The following CEP104 variants were observed in gnomAD, a reference collection of about 807,000 sequenced individuals.
CEP104 encodes the protein centrosomal protein 104, also known as centrosomal protein of 104 kDa.
CEP104 carries 84 observed loss-of-function variants against 113.3 expected under a neutral mutation model. That is an observed-to-expected ratio of 0.74 (90% CI 0.62 to 0.89). The LOEUF is 0.89. Among genes scored for constraint, CEP104 ranks in the 40% least tolerant of loss-of-function variants. The pLI is 0.00. For synonymous variants in CEP104, 378 were observed against 421.7 expected, an observed-to-expected ratio of 0.90 and a Z score of 1.27; for missense variants, 1,053 against 1,156.6, an observed-to-expected ratio of 0.91 and a Z score of 1.30.
chr1:3,843,350 G>A, intron 6 of CEP104: 2 of 522,084 alleles, frequency 3.8e-6, no homozygotes, highest in South Asian at 2.5e-5. Flanking sequence ...AGAGGAAGCG[G>A]CAACAGCAGC....
chr1:3,824,444 A>T (rs1160413981), intron 18 of CEP104, among the ~76,000 whole-genome samples: 1 of 152,216 alleles, frequency 6.6e-6, no homozygotes, highest in Non-Finnish European at 1.5e-5. Context: ...AAGACTTGTT[A>T]CACAGGACAC....
intron 1 of CEP104, among the ~76,000 whole-genome samples, chr1:3,856,220 C>A (rs1273637940): frequency 3.9e-5 from 6 of 152,116 alleles, no homozygotes; most frequent in Non-Finnish European, 8.8e-5. Flanking sequence ...ACCAGCCTGG[C>A]CAACATGGTG....
Position 3,816,350 on chromosome 1 carries a change from C to T in CEP104, c.2592G>A (p.Met864Ile), listed in dbSNP as rs1295086741. 2 of 1,552,598 alleles carry T rather than the reference C, an allele frequency of 1.3e-6. No homozygotes were observed. Among genetic ancestry groups the T allele is most frequent in the Non-Finnish European group, 1.7e-6 (2 of 1,147,656 alleles). Residue 864 changes from methionine (M) to isoleucine (I), a missense_variant, in exon 21 of 22, where the codon ATG (methionine) becomes ATA (isoleucine). By Grantham distance (10) the Met-to-Ile change is conservative (BLOSUM62 1). Coordinates refer to ENST00000378230, the MANE Select transcript of CEP104 (RefSeq NM_014704.4). ...GGTTCATCGTGCAGCCGGCTGGGCC[C>T]ATCAGGTGAGCTTTCCATGCCTGCA... ...PGEEAWKAHL[M>I]GPAGCTMNLR... is the part of the protein sequence containing the mutation.
chr1:3,818,980 G>A (rs1643921470), intron 20 of CEP104, among the ~76,000 whole-genome samples: 1 of 152,090 alleles, frequency 6.6e-6, no homozygotes, highest in Admixed American at 6.6e-5. Context: ...ATTCATAATT[G>A]GGCCTTTCAC....
chr1:3,823,429 C>T lies in CEP104; in HGVS notation c.2498G>A (p.Cys833Tyr), dbSNP rs755249443. The change falls in exon 19 of 22, where the codon TGC (cysteine) becomes TAC (tyrosine). Residue 833 changes from cysteine (C) to tyrosine (Y), a missense_variant. By Grantham distance (194) the Cys-to-Tyr change is radical (BLOSUM62 -2). Coordinates refer to ENST00000378230, the MANE Select transcript of CEP104 (RefSeq NM_014704.4). The surrounding 1 kb of genome is among the most constrained non-coding windows in gnomAD (Gnocchi z 4.1). ...ELPRHIKHKD[C>Y]NPAKPEKLAN... ...GCCTGGGAAGGGGCACTCACGGTTG[C>T]AATCCTTGTGTTTTATGTGTCTGGG... 1.9e-6 allele frequency: 3 copies of T among 1,614,226 alleles called. No homozygotes were observed. Among genetic ancestry groups the T allele is most frequent in the South Asian group, 1.1e-5 (1 of 91,084 alleles).
At chr1:3,852,494 T>C (rs1557696192) in intron 1 of CEP104, 73 bp from the exon 2 acceptor site, 2 of 1,390,584 alleles carry the variant, frequency 1.4e-6, no homozygotes, top group Non-Finnish European at 1.9e-6. Flanking sequence ...AAAGGGTTGG[T>C]TCATGCCTTG....
At chr1:3,815,665 G>A in intron 21 of CEP104, 148 bp from the exon 22 acceptor site, 1 of 577,344 alleles carries the variant, frequency 1.7e-6, no homozygotes, top group Non-Finnish European at 3.0e-6. Flanking sequence ...GCTGAGCCTA[G>A]TAGGGTCTAC....
rs1435587223 is a variant in CEP104, at chr1:3,812,971, A to G, written c.*2431T>C. On this transcript the variant is annotated 3_prime_UTR_variant, in exon 22 of 22. Transcript: ENST00000378230. ...CAATCACTAAAAATGAAGTCTTTTT[A>G]TAAGTATTTTCTTTAAGTTACAATA... 6.6e-6 allele frequency: 1 copy of G among 152,214 alleles called. No individual in the cohort carries two copies. The highest frequency in any genetic ancestry group is 1.5e-5 in the Non-Finnish European group (1 of 68,048). 9.4% of individuals were successfully genotyped at this position (152,214 alleles called of 1,614,324 possible).
At chr1:3,847,319 G>A (rs1644525284) in intron 4 of CEP104, among the ~76,000 whole-genome samples, 156 bp downstream of exon 4, 1 of 151,612 alleles carries the variant, frequency 6.6e-6, no homozygotes, top group Admixed American at 6.6e-5. Flanking sequence ...GAGGCTGCTG[G>A]ATCAGACAGC....
chr1:3,852,341 C>T lies in CEP104; in HGVS notation c.67G>A (p.Glu23Lys), dbSNP rs771819433. 5 of 1,614,120 alleles carry T rather than the reference C, an allele frequency of 3.1e-6. No homozygotes were observed. The Admixed American group carries it at 5.0e-5, about 16-fold the overall frequency. ...ACAGTTGGCGCGTGGATCATGAGCT[C>T]CCGGGCACTGAAGCCGTCTTCGTGT... The part of the protein sequence containing the change: ...SGHEDGFSAR[E>K]LMIHAPTVSG... The change falls in exon 2 of 22, where the codon GAG becomes AAG. Residue 23 changes from glutamate (E) to lysine (K), a missense_variant. Coordinates refer to ENST00000378230, the MANE Select transcript of CEP104 (RefSeq NM_014704.4).
intron 2 of CEP104, 131 bp downstream of exon 2, chr1:3,852,164 A>C: frequency 1.3e-6 from 1 of 785,304 alleles, no homozygotes; most frequent in South Asian, 2.1e-5. Context: ...CTGACACTGC[A>C]TGCTGACATC....
rs114607967 is a variant in CEP104, at chr1:3,851,530, A to G, written c.113+765T>C. ...TGGGGTGGAGGGTGGGTTTTTATTC[A>G]CATGACTGAGGGCGGAGGGCAGATG... On this transcript the variant is annotated intron_variant, in intron 2 of 21. Coordinates refer to ENST00000378230, the MANE Select transcript of CEP104 (RefSeq NM_014704.4). 6.1e-3 allele frequency among the ~76,000 whole-genome samples: 928 copies of G among 152,196 alleles called. 10 individuals are homozygous for G. The highest frequency in any genetic ancestry group is 0.021 in the African/African-American group (865 of 41,544).
At chr1:3,856,783 C>T (rs1388685134) in intron 1 of CEP104, 106 bp downstream of exon 1, 1 of 151,748 alleles carries the variant, frequency 6.6e-6, no homozygotes, top group Non-Finnish European at 1.5e-5. Flanking sequence ...GGCTTCGTAC[C>T]CAGCTCCCAG....
intron 12 of CEP104, chr1:3,833,542 AAGAC>A: frequency 4.1e-6 from 1 of 242,248 alleles, no homozygotes; most frequent in Non-Finnish European, 8.0e-6. Flanking sequence ...TATTTCTATT[AAGAC>A]AGTTATATTT....
intron 2 of CEP104, among the ~76,000 whole-genome samples, chr1:3,851,075 C>T (rs1371644398): frequency 6.6e-6 from 1 of 152,118 alleles, no homozygotes; most frequent in Non-Finnish European, 1.5e-5. Context: ...CTCCTCCTGC[C>T]CTCCAGCCAC....
rs771869126 is a variant in CEP104, at chr1:3,852,282, G to A, written c.113+13C>T. 1.7e-5 allele frequency: 27 copies of A among 1,609,076 alleles called. No homozygotes were observed. Among genetic ancestry groups the A allele is most frequent in the African/African-American group, 4.0e-5 (3 of 74,814 alleles). ...TGCCTCCCAGCCCAAGCCCCGCCCC[G>A]TCCAGTCCTCACCTAGGTGACCGCC... is the stretch of plus-strand genomic sequence containing the variant. On this transcript the variant is annotated intron_variant, in intron 2 of 21. Coordinates refer to ENST00000378230, the MANE Select transcript of CEP104 (RefSeq NM_014704.4).
rs376719150 is a variant in CEP104, at chr1:3,831,083, G to C, written c.1799C>G (p.Thr600Ser). 1.9e-6 allele frequency: 3 copies of C among 1,614,136 alleles called. No homozygotes were observed. The highest frequency in any genetic ancestry group is 1.7e-6 in the Non-Finnish European group (2 of 1,180,048). Residue 600 changes from threonine to serine, a missense_variant, in exon 13 of 22, where the codon ACT becomes AGT. Thr to Ser is a moderately conservative substitution (Grantham distance 58). Coordinates refer to ENST00000378230, the MANE Select transcript of CEP104 (RefSeq NM_014704.4). ...GTCAATGGTGAAGCCCGAGCTGCCA[G>C]TGCCCAGGTCTTTCAGCAGCCGGGC... ...LLARLLKDLGTGSSGFTIDNV... is the reference protein window; with the variant it reads ...LLARLLKDLGSGSSGFTIDNV...
chr1:3,816,465 G>C, intron 20 of CEP104, 95 bp from the exon 21 acceptor site: 4 of 1,003,958 alleles, frequency 4.0e-6, no homozygotes, highest in South Asian at 1.7e-5. Context: ...AGCTGAAAAC[G>C]AGGGCGGCCG....
intron 2 of CEP104, 113 bp from the exon 3 acceptor site, chr1:3,848,894 G>C: frequency 1.3e-6 from 1 of 765,580 alleles, no homozygotes; most frequent in Non-Finnish European, 2.1e-6. Flanking sequence ...ACTTTGAACA[G>C]AACAGTCTGT....
Sources: allele counts gnomAD v4.1 joint callset (sites outside exome capture counted in the v4.1 genomes callset), GRCh38; gene constraint gnomAD v4.1.1; non-coding constraint Gnocchi (gnomAD v3.1); transcripts MANE v1.5; gene names NCBI Gene and HGNC (gene_info 2026-07-23, HGNC 2026-07-21).